The following TMEM45B variants were observed in gnomAD, a reference collection of about 807,000 sequenced individuals.
TMEM45B encodes the protein transmembrane protein 45B.
TMEM45B carries 29 observed loss-of-function variants against 27.3 expected under a neutral mutation model. The ratio of observed to expected loss-of-function variants is 1.06; its 90% CI spans 0.79 to 1.45. The LOEUF (loss-of-function observed/expected upper bound fraction) is 1.45, where lower values mean the gene tolerates loss of function less well. Among genes scored for constraint, TMEM45B ranks in the 40% most tolerant of loss-of-function variants. The pLI, the probability that TMEM45B is intolerant of heterozygous loss-of-function variation, is 0.00. For missense variants in TMEM45B, 348 were observed against 343.9 expected (o/e 1.01, Z -0.09); for synonymous variants, 143 against 134.7 (o/e 1.06, Z -0.43).
At chr11:129,840,946 T>TAAAAAAAAAAAAAAAAA (rs55905045) in intron 1 of TMEM45B, among the ~76,000 whole-genome samples, 3 of 29,274 alleles carry the variant, frequency 1.0e-4, no homozygotes, top group Non-Finnish European at 1.4e-4. Flanking sequence ...TTTCTTTCTG[T>TAAAAAAAAAAAAAAAAA]AAAAAAAAAA....
intron 1 of TMEM45B, among the ~76,000 whole-genome samples, chr11:129,822,460 G>C (rs1456398529): frequency 6.6e-6 from 1 of 152,124 alleles, no homozygotes; most frequent in Admixed American, 6.5e-5. Flanking sequence ...AAGCAGAGAA[G>C]GCCTTTTTGA....
intron 1 of TMEM45B, among the ~76,000 whole-genome samples, chr11:129,849,448 C>T (rs1457110920): frequency 2.0e-5 from 3 of 152,214 alleles, no homozygotes; most frequent in Non-Finnish European, 2.9e-5. Flanking sequence ...GTTGGGCCCC[C>T]AAGGCTCCAG....
In TMEM45B at chr11:129,855,937, C is replaced by T. The variant is rs201000364; in HGVS notation, c.570+45C>T. The T allele has an allele frequency of 2.9e-5, 46 of 1,601,426 alleles. No individual in the cohort carries two copies. The East Asian group carries it at 9.2e-4, about 32-fold the overall frequency. On this transcript the variant is annotated intron_variant, in intron 4 of 5. Coordinates refer to ENST00000281441, the MANE Select transcript of TMEM45B (RefSeq NM_138788.5). Reference sequence around the variant, plus strand: ...CCCCTCGCTGGTCTGGATGGAGAAGCCCCCACCGAGCGCATCCCAGAGAAA... The same window carrying T: ...CCCCTCGCTGGTCTGGATGGAGAAGTCCCCACCGAGCGCATCCCAGAGAAA...
intron 3 of TMEM45B, 129 bp downstream of exon 3, chr11:129,854,945 G>C: frequency 1.1e-5 from 12 of 1,070,732 alleles, no homozygotes; most frequent in Non-Finnish European, 1.5e-5. Context: ...TCTCTGGACT[G>C]CCAAAACCTG....
intron 1 of TMEM45B, among the ~76,000 whole-genome samples, chr11:129,846,139 T>C (rs2135588426): frequency 6.6e-6 from 1 of 152,048 alleles, no homozygotes; most frequent in East Asian, 1.9e-4. Flanking sequence ...GATAAACAAG[T>C]AAAAAAACAA....
intron 1 of TMEM45B, among the ~76,000 whole-genome samples, chr11:129,847,383 A>T (rs1947773996): frequency 6.6e-6 from 1 of 151,862 alleles, no homozygotes; most frequent in Non-Finnish European, 1.5e-5. Flanking sequence ...AACTGTAAGC[A>T]TTTTTTTAAA....
rs774243249 is a variant in TMEM45B at position 129,858,594 on chromosome 11, G to C, written c.737G>C (p.Arg246Thr). The C allele has an allele frequency of 5.7e-6, 9 of 1,587,468 alleles. No homozygotes were observed. Among genetic ancestry groups the C allele is most frequent in the Non-Finnish European group, 7.7e-6 (9 of 1,165,872 alleles). ...LVYCLLTRMKRHGRGEIIGIQ... is the reference protein window; with the variant it reads ...LVYCLLTRMKTHGRGEIIGIQ... ...TAAAGCCTTTTGACTCGGATGAAGA[G>C]ACACGGAAGGGGAGAAATCATTGGA... Residue 246 changes from arginine (R) to threonine (T), a missense_variant, in exon 6 of 6, where the codon AGA (arginine) becomes ACA (threonine). Arg to Thr is a moderately conservative substitution (Grantham distance 71, BLOSUM62 -1). Coordinates refer to ENST00000281441, the MANE Select transcript of TMEM45B (RefSeq NM_138788.5).
chr11:129,843,953 G>A (rs374940286), intron 1 of TMEM45B, among the ~76,000 whole-genome samples: 1 of 152,002 alleles, frequency 6.6e-6, no homozygotes, highest in Non-Finnish European at 1.5e-5. Flanking sequence ...TGTATATATC[G>A]AAAGCAAATA....
chr11:129,826,545 T>TCACA (rs569051418), intron 1 of TMEM45B, among the ~76,000 whole-genome samples: 10 of 8,254 alleles, frequency 1.2e-3, no homozygotes, highest in African/African-American at 2.2e-3. Context: ...CAAGACTCTG[T>TCACA]CACAAAAAAA....
At chr11:129,841,306 C>G (rs1947689519) in intron 1 of TMEM45B, among the ~76,000 whole-genome samples, 1 of 152,176 alleles carries the variant, frequency 6.6e-6, no homozygotes, top group South Asian at 2.1e-4. Context: ...ATGAGCAGGA[C>G]AAATCCACAG....
intron 1 of TMEM45B, among the ~76,000 whole-genome samples, chr11:129,817,893 TAG>T (rs1947371228): frequency 1.3e-5 from 2 of 152,216 alleles, no homozygotes; most frequent in African/African-American, 4.8e-5. Context: ...TCACCACACA[TAG>T]AGTCACTCCC....
chr11:129,816,879 T>A (rs1426809235), intron 1 of TMEM45B, among the ~76,000 whole-genome samples: 4 of 150,982 alleles, frequency 2.6e-5, no homozygotes, highest in South Asian at 2.1e-4. Flanking sequence ...CTAGGACTAC[T>A]GGCGCCCGCC....
intron 1 of TMEM45B, among the ~76,000 whole-genome samples, chr11:129,837,562 C>A (rs1442772498): frequency 2.2e-5 from 3 of 134,866 alleles, no homozygotes; most frequent in Non-Finnish European, 4.7e-5. Context: ...GCTGGAATTA[C>A]AGGCATGAGC....
chr11:129,853,338 G>T (rs1256444890), intron 2 of TMEM45B, among the ~76,000 whole-genome samples: 3 of 152,372 alleles, frequency 2.0e-5, no homozygotes, highest in Admixed American at 1.3e-4. Flanking sequence ...GGGGAATGAG[G>T]GGTCTTAATC....
chr11:129,849,263 A>T (rs925056481), intron 1 of TMEM45B, among the ~76,000 whole-genome samples: 8 of 152,244 alleles, frequency 5.3e-5, no homozygotes, highest in Non-Finnish European at 1.0e-4. Context: ...TTTGATTCAA[A>T]TACAATGGCG....
At chr11:129,826,287 C>T (rs908896217) in intron 1 of TMEM45B, among the ~76,000 whole-genome samples, 13 of 152,010 alleles carry the variant, frequency 8.6e-5, no homozygotes, top group East Asian at 1.9e-4. Flanking sequence ...CGGTGGCTCA[C>T]GCCTGTAATC....
In TMEM45B at chr11:129,859,538, TA is replaced by T. The variant is rs141829594; in HGVS notation, c.*860del. 3 of 152,154 alleles carry T rather than the reference TA, an allele frequency of 2.0e-5. No homozygotes were observed. The highest frequency in any genetic ancestry group is 7.2e-5 in the African/African-American group (3 of 41,426). The allele number at this position is 152,154 out of a possible 1,614,324, so 9.4% of individuals were successfully genotyped here. A position where few individuals can be genotyped will look rare whatever the true frequency, so the allele number is the denominator to read the frequency against. ...CTTGCTTCTGGATCTGTTCTTTTTTTAAAAAAACTTCCTTCACCGCGCCTAT... is the reference window on the plus strand; with the variant it reads ...CTTGCTTCTGGATCTGTTCTTTTTTTAAAAAACTTCCTTCACCGCGCCTAT... On this transcript the variant is annotated 3_prime_UTR_variant, in exon 6 of 6. Transcript: ENST00000281441.
chr11:129,855,336 G>T (rs1947907022), intron 3 of TMEM45B, among the ~76,000 whole-genome samples: 1 of 151,588 alleles, frequency 6.6e-6, no homozygotes, highest in East Asian at 1.9e-4. Flanking sequence ...ACACTGACTG[G>T]GGTATGAAAA....
chr11:129,847,204 G>A (rs1394529585), intron 1 of TMEM45B, among the ~76,000 whole-genome samples: 2 of 152,172 alleles, frequency 1.3e-5, no homozygotes, highest in Non-Finnish European at 2.9e-5. Flanking sequence ...AAAAGTAATT[G>A]TGGTTTTTGC....
Sources: gnomAD v4.1 joint callset for allele counts (sites outside exome capture counted in the v4.1 genomes callset) on GRCh38, gnomAD v4.1.1 for gene constraint, MANE v1.5 for transcripts, NCBI Gene and HGNC (gene_info 2026-07-23, HGNC 2026-07-21) for gene names.